The following SDHAF4 variants were observed in gnomAD, a reference collection of about 807,000 sequenced individuals.
The protein encoded by SDHAF4 is succinate dehydrogenase assembly factor 4, mitochondrial.
In SDHAF4, 14 loss-of-function variants were observed where a neutral mutation model predicts 14.3. The observed-to-expected ratio is 0.98, with a 90% CI of 0.65 to 1.53. The LOEUF (loss-of-function observed/expected upper bound fraction) is 1.53. Ranked by LOEUF, SDHAF4 falls within the 40% of genes most tolerant of loss-of-function variation. The pLI, the probability that SDHAF4 is intolerant of heterozygous loss-of-function variation, is 0.00. For synonymous variants in SDHAF4, 63 were observed against 47.3 expected, an observed-to-expected ratio of 1.33 and a Z score of -1.36; for missense variants, 141 against 129.3, an observed-to-expected ratio of 1.09 and a Z score of -0.44.
At chr6:70,593,555 A>G (rs536418772), downstream of SDHAF4, among the ~76,000 whole-genome samples, 36 of 152,344 alleles carry the variant, frequency 2.4e-4, no homozygotes, top group African/African-American at 8.4e-4. Flanking sequence ...CTGTGAGAGT[A>G]GCCATGTGGA....
downstream of SDHAF4, among the ~76,000 whole-genome samples, chr6:70,592,792 T>G (rs1458696638): frequency 6.6e-6 from 1 of 152,042 alleles, no homozygotes; most frequent in Non-Finnish European, 1.5e-5. Flanking sequence ...CCTAGACATG[T>G]GGTAGAGAAT....
chr6:70,579,608 G>T, intron 2 of SDHAF4, 42 bp downstream of exon 2: 2 of 1,510,656 alleles, frequency 1.3e-6, no homozygotes, highest in South Asian at 2.7e-5. Flanking sequence ...AAGTATCAAG[G>T]AAAGTGTTTT....
chr6:70,577,485 A>G (rs925833479), intron 1 of SDHAF4, among the ~76,000 whole-genome samples: 2 of 152,214 alleles, frequency 1.3e-5, no homozygotes, highest in African/African-American at 2.4e-5. Context: ...TATAGCATAG[A>G]AAGTTCAACT....
chr6:70,595,008 G>A, the SDHAF4 span, among the ~76,000 whole-genome samples: 578 of 152,176 alleles, frequency 3.8e-3, 6 homozygotes, highest in African/African-American at 0.013. Context: ...GGTATAGAGG[G>A]TAAATATGAG....
chr6:70,573,573 GC>G (rs2128534074), intron 1 of SDHAF4, among the ~76,000 whole-genome samples: 1 of 150,986 alleles, frequency 6.6e-6, no homozygotes, highest in Admixed American at 6.6e-5. Flanking sequence ...CAGCTATTTG[GC>G]CTTTTTATTG....
At chr6:70,573,022 T>C (rs931270511) in intron 1 of SDHAF4, among the ~76,000 whole-genome samples, 2 of 152,134 alleles carry the variant, frequency 1.3e-5, no homozygotes, top group Non-Finnish European at 2.9e-5. Flanking sequence ...GTCACCAGGA[T>C]AGAGAGCAGT....
At chr6:70,571,391 T>A (rs113825636) in intron 1 of SDHAF4, among the ~76,000 whole-genome samples, 3 of 152,196 alleles carry the variant, frequency 2.0e-5, no homozygotes, top group Admixed American at 2.0e-4. Context: ...TATTATACAC[T>A]GAAACCCCTG....
chr6:70,586,670 C>T lies in SDHAF4; in HGVS notation c.218-1945C>T, dbSNP rs763675659. ...TATTAAGTATCCTCTGTGAGCCAAA[C>T]ACTGAAACAGCAATGGATAAAACAC... On this transcript the variant is annotated intron_variant, in intron 2 of 2. Transcript: ENST00000370474. Among the ~76,000 whole-genome samples, 98 of 152,148 alleles carry T rather than the reference C, an allele frequency of 6.4e-4. 1 individual carries two copies. The highest frequency in any genetic ancestry group is 3.4e-3 in the Middle Eastern group (1 of 294).
Position 70,588,789 on chromosome 6 carries a change from A to G in SDHAF4, c.*65A>G. The G allele has an allele frequency of 1.1e-6, 1 of 895,704 alleles. No individual in the cohort carries two copies. Among genetic ancestry groups the G allele is most frequent in the South Asian group, 1.6e-5 (1 of 63,676 alleles). The allele number at this position is 895,704 out of a possible 1,614,324, so 55.5% of individuals were successfully genotyped here. ...GTACATCTGAATTAACTTATTTCTG[A>G]TTATTTTCTTTCTTTATATCCTTTA... On this transcript the variant is annotated 3_prime_UTR_variant, in exon 3 of 3. Coordinates refer to ENST00000370474, the MANE Select transcript of SDHAF4 (RefSeq NM_145267.3).
downstream of SDHAF4, among the ~76,000 whole-genome samples, chr6:70,591,659 A>G (rs2128536899): frequency 6.6e-6 from 1 of 152,302 alleles, no homozygotes; most frequent in African/African-American, 2.4e-5. Context: ...ATGAAATTTG[A>G]AATACTTGAA....
intron 1 of SDHAF4, among the ~76,000 whole-genome samples, chr6:70,577,682 AAGTT>A (rs1332400623): frequency 1.3e-5 from 2 of 152,080 alleles, no homozygotes; most frequent in African/African-American, 4.8e-5. Flanking sequence ...TAGTACCTAA[AAGTT>A]AGTTTTTCAA....
At chr6:70,589,995 T>C (rs1765244513), downstream of SDHAF4, among the ~76,000 whole-genome samples, 1 of 152,192 alleles carries the variant, frequency 6.6e-6, no homozygotes, top group Non-Finnish European at 1.5e-5. Context: ...CCCAGCACTT[T>C]GAGAGACCAA....
intron 2 of SDHAF4, 24 bp downstream of exon 2, chr6:70,579,590 A>G: frequency 6.5e-7 from 1 of 1,545,616 alleles, no homozygotes; most frequent in Non-Finnish European, 8.7e-7. Context: ...AGCACCTCTC[A>G]GTTTTTGAAG....
chr6:70,595,758 C>T, the SDHAF4 span, among the ~76,000 whole-genome samples: 2 of 151,268 alleles, frequency 1.3e-5, no homozygotes, highest in African/African-American at 4.9e-5. Flanking sequence ...ATCGCTTGAA[C>T]CCGGGAGGCG....
At chr6:70,592,336 T>G (rs1447746901), downstream of SDHAF4, among the ~76,000 whole-genome samples, 1 of 152,054 alleles carries the variant, frequency 6.6e-6, no homozygotes, top group Non-Finnish European at 1.5e-5. Flanking sequence ...AGATTCTGAT[T>G]AGGGATTAGA....
At chr6:70,597,713 G>C in the SDHAF4 span, among the ~76,000 whole-genome samples, 65 of 152,172 alleles carry the variant, frequency 4.3e-4, no homozygotes, top group Non-Finnish European at 8.4e-4. Flanking sequence ...ATCTAAACAG[G>C]CTCTGTGGGA....
At chr6:70,578,890 A>C (rs1006017031) in intron 1 of SDHAF4, among the ~76,000 whole-genome samples, 7 of 152,162 alleles carry the variant, frequency 4.6e-5, no homozygotes, top group African/African-American at 1.2e-4. Flanking sequence ...TATGTTACCC[A>C]GACTAGAATT....
chr6:70,571,229 C>A (rs762746792), intron 1 of SDHAF4, among the ~76,000 whole-genome samples: 3 of 152,062 alleles, frequency 2.0e-5, no homozygotes, highest in Non-Finnish European at 4.4e-5. Flanking sequence ...CTGCTTTAAT[C>A]TGTTGAGGTG....
intron 2 of SDHAF4, among the ~76,000 whole-genome samples, chr6:70,582,276 G>A (rs554386011): frequency 1.3e-5 from 2 of 152,090 alleles, no homozygotes; most frequent in African/African-American, 4.8e-5. Context: ...TGTTGCCCAG[G>A]CTGGTCTTGA....
Sources: allele counts gnomAD v4.1 joint callset (sites outside exome capture counted in the v4.1 genomes callset), GRCh38; gene constraint gnomAD v4.1.1; transcripts MANE v1.5; gene names NCBI Gene and HGNC (gene_info 2026-07-23, HGNC 2026-07-21).